Variants in MYO18A observed in about 807,000 individuals in gnomAD.
The protein encoded by MYO18A is myosin XVIIIA, also known as unconventional myosin-XVIIIa.
A neutral mutation model predicts 235.8 loss-of-function variants in MYO18A; 78 were observed. The observed-to-expected ratio is 0.33, with a 90% CI of 0.28 to 0.40. MYO18A has a LOEUF of 0.40. Among genes scored for constraint, MYO18A ranks in the 10% least tolerant of loss-of-function variants. The pLI is 1.00. For synonymous variants in MYO18A, 977 were observed against 1,077.8 expected, an observed-to-expected ratio of 0.91 and a Z score of 1.83; for missense variants, 2,215 against 2,699.3, an observed-to-expected ratio of 0.82 and a Z score of 3.98.
chr17:29,169,539 CCTGA>C (rs1373699457), intron 1 of MYO18A, among the ~76,000 whole-genome samples: 1 of 152,128 alleles, frequency 6.6e-6, no homozygotes, highest in Non-Finnish European at 1.5e-5. Context: ...TCTCTCTCCT[CCTGA>C]CTGTTGATGG....
intron 2 of MYO18A, chr17:29,131,303 GCA>G (rs2067466678): frequency 2.5e-6 from 2 of 790,264 alleles, no homozygotes; most frequent in South Asian, 5.7e-5. Context: ...ACACACACAC[GCA>G]CACACACATG....
chr17:29,109,925 G>T lies in MYO18A; in HGVS notation c.3264C>A (p.Asp1088Glu). The part of the protein sequence containing the change: ...DHCEAGLLQL[D>E]VPLLRTQLRG... ...GGAGCTGGGTGCGGAGCAGGGGCACGTCGAGCTGCAGGAGCCCAGCCTCGC... is the reference window on the plus strand; with the variant it reads ...GGAGCTGGGTGCGGAGCAGGGGCACTTCGAGCTGCAGGAGCCCAGCCTCGC... The change falls in exon 19 of 42, where the codon GAC becomes GAA. Residue 1088 changes from aspartate to glutamate, a missense_variant. Transcript: ENST00000527372. The surrounding 1 kb of genome is among the most constrained non-coding windows in gnomAD (Gnocchi z 4.1). The T allele has an allele frequency of 6.3e-7, 1 of 1,596,968 alleles. No homozygotes were observed. Among genetic ancestry groups the T allele is most frequent in the Non-Finnish European group, 8.5e-7 (1 of 1,172,094 alleles).
chr17:29,157,164 GACC>G (rs954379700), intron 2 of MYO18A, among the ~76,000 whole-genome samples: 2 of 152,170 alleles, frequency 1.3e-5, no homozygotes, highest in Admixed American at 1.3e-4. Context: ...CACTCCTGGG[GACC>G]ACATCAAATG....
intron 34 of MYO18A, 76 bp downstream of exon 34, chr17:29,092,267 G>A (rs1598286054): frequency 9.1e-7 from 1 of 1,096,328 alleles, no homozygotes; most frequent in Non-Finnish European, 1.3e-6. Flanking sequence ...ACCTGTCTAG[G>A]GTGAAGGGAG....
chr17:29,112,976 C>T (rs2066969084), intron 15 of MYO18A, among the ~76,000 whole-genome samples: 1 of 152,186 alleles, frequency 6.6e-6, no homozygotes. Flanking sequence ...GCAGCCGCCC[C>T]ATGCCAAGGT....
intron 41 of MYO18A, chr17:29,080,135 C>T (rs573167427): frequency 9.1e-5 from 90 of 985,980 alleles, no homozygotes; most frequent in South Asian, 2.8e-4. Context: ...CGGATGCTGG[C>T]AGCTCGCTCC....
chr17:29,074,376 C>A lies in MYO18A; in HGVS notation c.*394G>T, dbSNP rs1163297478. 3.0e-6 allele frequency: 2 copies of A among 664,976 alleles called. No individual in the cohort carries two copies. Among genetic ancestry groups the A allele is most frequent in the Non-Finnish European group, 5.2e-6 (2 of 387,250 alleles). The allele number at this position is 664,976 out of a possible 1,614,324, so 41.2% of individuals were successfully genotyped here. A position where few individuals can be genotyped will look rare whatever the true frequency, so the allele number is the denominator to read the frequency against. ...AGGCACTGCTTCTCCTCCCCCAATCCTCCCCATGGACCCAGCAACCTAGAG... is the reference window on the plus strand; with the variant it reads ...AGGCACTGCTTCTCCTCCCCCAATCATCCCCATGGACCCAGCAACCTAGAG... On this transcript the variant is annotated 3_prime_UTR_variant, in exon 42 of 42. Coordinates refer to ENST00000527372, the MANE Select transcript of MYO18A (RefSeq NM_078471.4). The surrounding 1 kb of genome is among the most constrained non-coding windows in gnomAD (Gnocchi z 4.4).
intron 2 of MYO18A, among the ~76,000 whole-genome samples, chr17:29,154,890 C>T (rs1429386332): frequency 2.0e-5 from 3 of 152,196 alleles, no homozygotes; most frequent in Non-Finnish European, 4.4e-5. Flanking sequence ...GAGGGAGGGG[C>T]AGGGGCATGA....
chr17:29,081,073 G>A, intron 41 of MYO18A: 2 of 636,040 alleles, frequency 3.1e-6, no homozygotes, highest in Non-Finnish European at 3.9e-6. Flanking sequence ...GAGGGAGGTT[G>A]AGAGAGAGAG....
rs2152701924 is a variant in MYO18A at position 29,072,269 on chromosome 17, TAATC to T, written c.*2497_*2500del. The T allele has an allele frequency of 7.0e-6, 1 of 142,670 alleles. No individual in the cohort carries two copies. Among genetic ancestry groups the T allele is most frequent in the Non-Finnish European group, 1.5e-5 (1 of 66,510 alleles). 8.8% of individuals were successfully genotyped at this position (142,670 alleles called of 1,614,324 possible). Reference sequence around the variant, plus strand: ...GGCCAGGCACAGTGGCTCATGCCTATAATCCTAGCACTTTGGGAGGCGAGGCAGG... The same window carrying T: ...GGCCAGGCACAGTGGCTCATGCCTATCTAGCACTTTGGGAGGCGAGGCAGG... On this transcript the variant is annotated 3_prime_UTR_variant, in exon 42 of 42. Coordinates refer to ENST00000527372, the MANE Select transcript of MYO18A (RefSeq NM_078471.4).
intron 2 of MYO18A, among the ~76,000 whole-genome samples, chr17:29,146,956 C>A (rs1444661312): frequency 2.6e-5 from 4 of 152,220 alleles, no homozygotes; most frequent in African/African-American, 9.7e-5. Flanking sequence ...ACACCAAGCA[C>A]TAGCCATGGC....
intron 27 of MYO18A, 24 bp from the exon 28 acceptor site, chr17:29,096,939 A>G: frequency 6.5e-7 from 1 of 1,527,538 alleles, no homozygotes; most frequent in Non-Finnish European, 8.8e-7. Flanking sequence ...TGGGGTGCAT[A>G]TACAGAGAGA....
chr17:29,166,233 C>A lies in MYO18A; in HGVS notation c.708G>T (p.Arg236=), dbSNP rs1255953351. 1 of 1,612,990 alleles carries A rather than the reference C, an allele frequency of 6.2e-7. No individual in the cohort carries two copies. Among genetic ancestry groups the A allele is most frequent in the Admixed American group, 1.7e-5 (1 of 60,036 alleles). The change falls in exon 2 of 42, where the codon CGG becomes CGT. Residue 236 remains arginine (R), a synonymous_variant. Coordinates refer to ENST00000527372, the MANE Select transcript of MYO18A (RefSeq NM_078471.4). ...RPTGDFGFSL[R]RTTMLDRGPE... is the part of the protein sequence containing the mutation. ...GGCCCCGATCCAGCATGGTTGTGCG[C>A]CGCAGGGAGAAGCCAAAGTCTCCAG... is the stretch of plus-strand genomic sequence containing the variant.
chr17:29,086,452 C>T lies in MYO18A; in HGVS notation c.5838G>A (p.Glu1946=), dbSNP rs2066255945. The T allele has an allele frequency of 2.5e-6, 4 of 1,603,736 alleles. No individual in the cohort carries two copies. The highest frequency in any genetic ancestry group is 3.4e-6 in the Non-Finnish European group (4 of 1,174,968). ...IEDEMESDEN[E]DLINSLQDMV... ...CCACTTCTCACCTGTTGATGAGGTC[C>T]TCATTCTCATCACTCTCCATCTCAT... The change falls in exon 39 of 42, where the codon GAG becomes GAA. Residue 1946 remains glutamate, a synonymous_variant. Transcript: ENST00000527372.
At chr17:29,124,513 G>A (rs1016761760) in intron 2 of MYO18A, 7 of 516,306 alleles carry the variant, frequency 1.4e-5, no homozygotes, top group African/African-American at 2.0e-5. Flanking sequence ...CCCAGACACA[G>A]GGTGGGAGCC....
intron 2 of MYO18A, chr17:29,133,894 A>G (rs2067534062): frequency 1.6e-6 from 2 of 1,284,080 alleles, no homozygotes; most frequent in Admixed American, 4.6e-5. Flanking sequence ...AGGGTCTCTC[A>G]GTGTCTCTGA....
At chr17:29,081,434 T>C (rs1045356126) in intron 41 of MYO18A, among the ~76,000 whole-genome samples, 6 of 152,042 alleles carry the variant, frequency 3.9e-5, no homozygotes, top group African/African-American at 1.4e-4. Flanking sequence ...AGGGGGCTGC[T>C]GGGTGCTTCT....
chr17:29,128,482 C>T (rs181876135), intron 2 of MYO18A: 9 of 1,288,020 alleles, frequency 7.0e-6, no homozygotes, highest in Admixed American at 6.9e-5. Context: ...CTGGGGGTAT[C>T]GGGCTGGTGG....
At chr17:29,116,382 C>T in intron 11 of MYO18A, 62 bp downstream of exon 11, 3 of 1,599,520 alleles carry the variant, frequency 1.9e-6, no homozygotes, top group Non-Finnish European at 2.6e-6. Context: ...GACATATGTG[C>T]CTCAGCCAAC....
Sources: gnomAD v4.1 joint callset for allele counts (sites outside exome capture counted in the v4.1 genomes callset) on GRCh38, gnomAD v4.1.1 for gene constraint, Gnocchi (gnomAD v3.1) non-coding constraint, MANE v1.5 for transcripts, NCBI Gene and HGNC (gene_info 2026-07-23, HGNC 2026-07-21) for gene names.